LINC00305: variants seen among roughly 807,000 people sequenced by gnomAD.
The protein encoded by LINC00305 is long independently transcribed non-coding RNA 305, also known as long intergenic non-protein coding RNA 305.
chr18:64,082,725 A>G (rs2051189801), intron 3 of LINC00305, among the ~76,000 whole-genome samples: 1 of 151,992 alleles, frequency 6.6e-6, no homozygotes, highest in African/African-American at 2.4e-5. Flanking sequence ...TGTTTCTTTA[A>G]TGCTCTGTTT....
At chr18:64,127,888 C>T (rs1444773131) in intron 1 of LINC00305, among the ~76,000 whole-genome samples, 6 of 151,944 alleles carry the variant, frequency 3.9e-5, no homozygotes, top group Admixed American at 3.9e-4. Flanking sequence ...TGTAGAGGGC[C>T]CTGAACATGC....
chr18:64,091,605 G>C (rs1015763398), intron 3 of LINC00305, among the ~76,000 whole-genome samples: 10 of 152,286 alleles, frequency 6.6e-5, no homozygotes, highest in African/African-American at 2.4e-4. Flanking sequence ...GAGAGGTCAA[G>C]TCATGTTCAA....
At chr18:64,133,869 G>A (rs2051421034) in intron 1 of LINC00305, among the ~76,000 whole-genome samples, 1 of 152,094 alleles carries the variant, frequency 6.6e-6, no homozygotes, top group South Asian at 2.1e-4. Context: ...TTTTCTGGCT[G>A]AAAACATTCA....
intron 3 of LINC00305, among the ~76,000 whole-genome samples, chr18:64,094,665 C>A (rs1469989918): frequency 6.6e-6 from 1 of 152,016 alleles, no homozygotes; most frequent in Non-Finnish European, 1.5e-5. Flanking sequence ...GAGTTTAAGA[C>A]CACCCTGGGC....
chr18:64,107,639 G>A (rs548287591), intron 1 of LINC00305, among the ~76,000 whole-genome samples: 1 of 152,282 alleles, frequency 6.6e-6, no homozygotes, highest in Admixed American at 6.5e-5. Flanking sequence ...TAGAAACCAG[G>A]CTTGCCCAAG....
rs1023571996 is a variant in LINC00305 at position 64,119,539 on chromosome 18, G to C, written n.315-20899C>G. On this transcript the variant is annotated intron_variant and non_coding_transcript_variant, in intron 1 of 3. Transcript: ENST00000666468. ...AATAGACACTGGTGTTTTTACTAAA[G>C]AAGGTCTCATAACTGCTAGAACTTC... Among the ~76,000 whole-genome samples, 4 of 152,156 alleles carry C rather than the reference G, an allele frequency of 2.6e-5. No individual in the cohort carries two copies. In the East Asian group the frequency reaches 7.7e-4, roughly 29 times the overall value.
At chr18:64,147,596 G>T (rs1437984912) in intron 1 of LINC00305, among the ~76,000 whole-genome samples, 1 of 152,008 alleles carries the variant, frequency 6.6e-6, no homozygotes, top group East Asian at 1.9e-4. Context: ...GTCTGGCTTT[G>T]TCCACCAAGG....
At chr18:64,137,473 T>G (rs979636042) in intron 1 of LINC00305, among the ~76,000 whole-genome samples, 1 of 152,216 alleles carries the variant, frequency 6.6e-6, no homozygotes, top group Non-Finnish European at 1.5e-5. Context: ...TGAATTTGAT[T>G]CACCAACGAA....
At chr18:64,109,978 AT>A (rs548981127) in intron 1 of LINC00305, among the ~76,000 whole-genome samples, 26 of 151,690 alleles carry the variant, frequency 1.7e-4, no homozygotes, top group East Asian at 7.8e-4. Flanking sequence ...TTTTTCTGCA[AT>A]TTTTTTTTAA....
intron 1 of LINC00305, among the ~76,000 whole-genome samples, chr18:64,136,302 T>C (rs1395124667): frequency 1.3e-5 from 2 of 152,222 alleles, no homozygotes; most frequent in African/African-American, 4.8e-5. Context: ...TCTGTTCTCA[T>C]GCTGCCATGA....
intron 1 of LINC00305, among the ~76,000 whole-genome samples, chr18:64,142,255 T>C (rs558964184): frequency 5.9e-5 from 9 of 152,278 alleles, no homozygotes; most frequent in African/African-American, 2.2e-4. Context: ...TGTTATGAAA[T>C]TGAATAGGCT....
At chr18:64,128,858 G>T (rs931809922) in intron 1 of LINC00305, among the ~76,000 whole-genome samples, 19 of 152,018 alleles carry the variant, frequency 1.2e-4, no homozygotes, top group African/African-American at 4.6e-4. Context: ...AGATTCTTCC[G>T]GAACTCTGCA....
intron 1 of LINC00305, among the ~76,000 whole-genome samples, chr18:64,122,056 G>T (rs1037761728): frequency 1.3e-5 from 2 of 151,940 alleles, no homozygotes; most frequent in African/African-American, 4.8e-5. Flanking sequence ...TTGTTGAGTT[G>T]TTTGAACTTC....
At chr18:64,133,088 A>G (rs1295873754) in intron 1 of LINC00305, among the ~76,000 whole-genome samples, 2 of 152,152 alleles carry the variant, frequency 1.3e-5, no homozygotes, top group Admixed American at 1.3e-4. Flanking sequence ...GGTTGTTTAC[A>G]TCCCTTTGCT....
At chr18:64,092,873 T>C (rs1395281282) in intron 3 of LINC00305, among the ~76,000 whole-genome samples, 1 of 152,284 alleles carries the variant, frequency 6.6e-6, no homozygotes, top group African/African-American at 2.4e-5. Flanking sequence ...TGATTTTGAG[T>C]TGGCTGTGGG....
At chr18:64,120,041 T>G (rs2051354846) in intron 1 of LINC00305, among the ~76,000 whole-genome samples, 1 of 152,154 alleles carries the variant, frequency 6.6e-6, no homozygotes, top group Non-Finnish European at 1.5e-5. Context: ...TTTGATTTCC[T>G]TCTCTCACCA....
chr18:64,129,788 T>A (rs1384982583), intron 1 of LINC00305, among the ~76,000 whole-genome samples: 1 of 152,162 alleles, frequency 6.6e-6, no homozygotes, highest in Non-Finnish European at 1.5e-5. Flanking sequence ...TTCTTTTTTG[T>A]AGCTTCCTTG....
intron 3 of LINC00305, among the ~76,000 whole-genome samples, chr18:64,088,132 T>C (rs1205006768): frequency 6.7e-6 from 1 of 149,304 alleles, no homozygotes; most frequent in African/African-American, 2.5e-5. Context: ...AGAGCGAGAC[T>C]CCGTATCAGG....
chr18:64,089,019 G>A (rs778195338), intron 3 of LINC00305, among the ~76,000 whole-genome samples: 5 of 152,150 alleles, frequency 3.3e-5, no homozygotes, highest in South Asian at 2.1e-4. Context: ...ATCACAGAAG[G>A]ATAGACTGTC....
Sources: gnomAD v4.1 joint callset for allele counts (sites outside exome capture counted in the v4.1 genomes callset) on GRCh38, gnomAD v4.1.1 for gene constraint, MANE v1.5 for transcripts, NCBI Gene and HGNC (gene_info 2026-07-23, HGNC 2026-07-21) for gene names.